The following PCDH17 variants were observed in gnomAD, a reference collection of about 807,000 sequenced individuals.
PCDH17 encodes protocadherin-17.
A neutral mutation model predicts 67.7 loss-of-function variants in PCDH17; 21 were observed. The ratio of observed to expected loss-of-function variants is 0.31; its 90% CI spans 0.22 to 0.45. The LOEUF (loss-of-function observed/expected upper bound fraction) is 0.45, where lower values mean the gene tolerates loss of function less well. Ranked by LOEUF, PCDH17 falls within the 20% of genes least tolerant of loss-of-function variation. The probability of loss-of-function intolerance (pLI) is 1.00; values close to 1 mark genes in which losing one functional copy is unlikely to be tolerated. For missense variants in PCDH17, 1,471 were observed against 1,564.8 expected (o/e 0.94, Z 1.01); for synonymous variants, 701 against 656.7 (o/e 1.07, Z -1.03).
rs751121813 is a variant in PCDH17 at position 57,724,802 on chromosome 13, G to T, written c.2988G>T (p.Lys996Asn). 6.2e-7 allele frequency: 1 copy of T among 1,614,168 alleles called. No homozygotes were observed. The highest frequency in any genetic ancestry group is 2.2e-5 in the East Asian group (1 of 44,864). The change falls in exon 4 of 4, where the codon AAG becomes AAT. Residue 996 changes from lysine to asparagine, a missense_variant. Lys to Asn is a moderately conservative substitution (Grantham distance 94, BLOSUM62 0). This residue lies in a region of PCDH17 where 297 missense variants were observed against 298.6 expected (regional missense o/e 0.99). Transcript: ENST00000377918. ...AAACTGTGAATCCCACTGGGAAAAA[G>T]ACTTTTTGTACATTTGGAAAAGACA... ...TYETVNPTGK[K>N]TFCTFGKDKR...
intron 3 of PCDH17, among the ~76,000 whole-genome samples, chr13:57,696,309 A>G (rs1312641965): frequency 6.6e-6 from 1 of 151,460 alleles, no homozygotes; most frequent in East Asian, 1.9e-4. Context: ...AAAATTATTT[A>G]AATCTTTATT....
intron 3 of PCDH17, among the ~76,000 whole-genome samples, chr13:57,685,461 G>A (rs1445514304): frequency 6.6e-6 from 1 of 151,918 alleles, no homozygotes; most frequent in Non-Finnish European, 1.5e-5. Context: ...CAAGCCTAAA[G>A]CCTAATTCCT....
At chr13:57,712,062 T>C (rs1300097689) in intron 3 of PCDH17, among the ~76,000 whole-genome samples, 1 of 151,698 alleles carries the variant, frequency 6.6e-6, no homozygotes, top group Non-Finnish European at 1.5e-5. Context: ...TTTTTCCATT[T>C]TATAATAATA....
chr13:57,679,278 C>T (rs370114390), intron 3 of PCDH17, among the ~76,000 whole-genome samples: 9 of 150,476 alleles, frequency 6.0e-5, no homozygotes, highest in Admixed American at 4.6e-4. Context: ...AAAAAATTAT[C>T]GACTACGAAG....
chr13:57,654,485 G>A (rs1955080719), intron 1 of PCDH17, among the ~76,000 whole-genome samples: 1 of 150,068 alleles, frequency 6.7e-6, no homozygotes, highest in South Asian at 2.1e-4. Flanking sequence ...CAAAATGATT[G>A]TTATTTTAAA....
chr13:57,702,035 A>G (rs1204489740), intron 3 of PCDH17, among the ~76,000 whole-genome samples: 3 of 151,918 alleles, frequency 2.0e-5, no homozygotes, highest in Non-Finnish European at 4.4e-5. Flanking sequence ...CTTCTGCTTC[A>G]GTCTCCCGAG....
chr13:57,651,404 C>G (rs1440518032), intron 1 of PCDH17, among the ~76,000 whole-genome samples: 1 of 135,976 alleles, frequency 7.4e-6, no homozygotes, highest in East Asian at 2.1e-4. Context: ...CTTTGTCACC[C>G]TGGCAGGAGT....
In PCDH17 at chr13:57,726,003, C is replaced by T. The variant is rs548737279; in HGVS notation, c.*709C>T. On this transcript the variant is annotated 3_prime_UTR_variant, in exon 4 of 4. Transcript: ENST00000377918. ...TACAGTCCATTTTGTCCTGCACACA[C>T]GTAGACTAATTCACGTCATTAAAGA... The T allele has an allele frequency of 6.6e-6, 1 of 152,370 alleles. No individual in the cohort carries two copies. The highest frequency in any genetic ancestry group is 2.4e-5 in the African/African-American group (1 of 41,504). The allele number at this position is 152,370 out of a possible 1,614,324, so 9.4% of individuals were successfully genotyped here. A position where few individuals can be genotyped will look rare whatever the true frequency, so the allele number is the denominator to read the frequency against.
intron 3 of PCDH17, among the ~76,000 whole-genome samples, chr13:57,702,908 C>G (rs2138077871): frequency 6.6e-6 from 1 of 152,284 alleles, no homozygotes; most frequent in East Asian, 1.9e-4. Flanking sequence ...CAGGCTCCAA[C>G]TGATTCTGAC....
chr13:57,691,610 G>T (rs186591407), intron 3 of PCDH17, among the ~76,000 whole-genome samples: 1 of 150,836 alleles, frequency 6.6e-6, no homozygotes, highest in Non-Finnish European at 1.5e-5. Context: ...AGCTATTTTT[G>T]GTACTCATAG....
chr13:57,674,667 G>C (rs953462502), intron 3 of PCDH17, among the ~76,000 whole-genome samples: 4 of 151,760 alleles, frequency 2.6e-5, no homozygotes, highest in African/African-American at 9.7e-5. Flanking sequence ...CTATTATTAA[G>C]TACGCTTTTA....
At position 57,666,775 on chromosome 13, in the gene PCDH17, T is replaced by C. The variant is rs2138024496; in HGVS notation, c.2739T>C (p.Ser913=). The part of the protein sequence containing the change: ...DTNKGSCCDM[S]VREALKMKTT... ...ACAAAGGCTCCTGCTGTGACATGTC[T>C]GTTAGGGAGGCACTCAAGATGAAAA... is the stretch of plus-strand genomic sequence containing the variant. Residue 913 remains serine, a synonymous_variant, in exon 3 of 4, where the codon TCT becomes TCC. Transcript: ENST00000377918. 1.2e-6 allele frequency: 2 copies of C among 1,613,392 alleles called. No homozygotes were observed. The highest frequency in any genetic ancestry group is 1.7e-6 in the Non-Finnish European group (2 of 1,179,654).
At chr13:57,652,960 G>C (rs1008979601) in intron 1 of PCDH17, among the ~76,000 whole-genome samples, 3 of 152,082 alleles carry the variant, frequency 2.0e-5, no homozygotes, top group African/African-American at 7.2e-5. Context: ...GCTTCTACAC[G>C]TTAAACATTA....
At position 57,633,770 on chromosome 13, in the gene PCDH17, T is replaced by G. The variant is rs1593887334; in HGVS notation, c.1224T>G (p.Gly408=). 2 of 1,592,878 alleles carry G rather than the reference T, an allele frequency of 1.3e-6. No individual in the cohort carries two copies. The change falls in exon 1 of 4, where the codon GGT becomes GGG. Residue 408 remains glycine, a synonymous_variant. Transcript: ENST00000377918. This position sits in a 1 kb window ranked among gnomAD's most constrained non-coding sequence, Gnocchi z 6.2. ...GCGGGGGCCTGGGCGGGCCCGGGGG[T>G]TCCGTCCCCTTCAAGCTTGAGGAGA... ...GGGGGLGGPG[G]SVPFKLEENY... is the part of the protein sequence containing the mutation.
intron 3 of PCDH17, among the ~76,000 whole-genome samples, chr13:57,704,670 A>T (rs952212717): frequency 8.6e-5 from 13 of 151,902 alleles, no homozygotes; most frequent in African/African-American, 3.1e-4. Context: ...TTGCTATGCT[A>T]CAATAAAACA....
Position 57,633,047 on chromosome 13 carries a change from C to T in PCDH17, c.501C>T (p.Arg167=). 2 of 1,613,098 alleles carry T rather than the reference C, an allele frequency of 1.2e-6. No individual in the cohort carries two copies. Among genetic ancestry groups the T allele is most frequent in the Non-Finnish European group, 8.5e-7 (1 of 1,179,980 alleles). ...CCGACGCCGGCGAGAATGGGCTCCG[C>T]ACCTACCTGCTCACGCGCGACGATC... ...HDPDAGENGL[R]TYLLTRDDHG... The change falls in exon 1 of 4, where the codon CGC becomes CGT. Residue 167 remains arginine (R), a synonymous_variant. Transcript: ENST00000377918. This position sits in a 1 kb window ranked among gnomAD's most constrained non-coding sequence, Gnocchi z 6.2.
At position 57,662,864 on chromosome 13, in the gene PCDH17, G is replaced by A. The variant is rs557830793; in HGVS notation, c.2566-3604G>A. Reference sequence around the variant, plus strand: ...CCAACTTTATCCACTCTGTTTGCTTGCTTGCTCACTTGTTTATTTTCCTGT... The same window carrying A: ...CCAACTTTATCCACTCTGTTTGCTTACTTGCTCACTTGTTTATTTTCCTGT... On this transcript the variant is annotated intron_variant, in intron 1 of 3. Transcript: ENST00000377918. Among the ~76,000 whole-genome samples, 4 of 152,158 alleles carry A rather than the reference G, an allele frequency of 2.6e-5. No individual in the cohort carries two copies. In the South Asian group the frequency reaches 8.3e-4, roughly 32 times the overall value.
intron 3 of PCDH17, among the ~76,000 whole-genome samples, chr13:57,705,276 GA>G (rs1188176337): frequency 6.6e-6 from 1 of 151,828 alleles, no homozygotes; most frequent in African/African-American, 2.4e-5. Flanking sequence ...TTATCTTAAT[GA>G]AAAATATAAT....
intron 1 of PCDH17, among the ~76,000 whole-genome samples, chr13:57,650,971 A>G (rs1055177698): frequency 6.6e-6 from 1 of 152,200 alleles, no homozygotes; most frequent in Non-Finnish European, 1.5e-5. Context: ...CGATATGTTT[A>G]ATATTGAGGT....
Sources: gnomAD v4.1 joint callset for allele counts (sites outside exome capture counted in the v4.1 genomes callset) on GRCh38, gnomAD v4.1.1 for gene constraint, gnomAD v4.1.1 regional missense constraint, Gnocchi (gnomAD v3.1) non-coding constraint, MANE v1.5 for transcripts, NCBI Gene and HGNC (gene_info 2026-07-23, HGNC 2026-07-21) for gene names.